Variants in CYP4A22 observed in about 807,000 individuals in gnomAD.
CYP4A22 encodes the protein cytochrome P450 4A22.
In CYP4A22, 46 loss-of-function variants were observed where a neutral mutation model predicts 56.2. That is an observed-to-expected ratio of 0.82 (90% CI 0.65 to 1.05). CYP4A22 has a LOEUF of 1.05. Ranked by LOEUF, CYP4A22 falls within the 50% of genes least tolerant of loss-of-function variation. CYP4A22 has a pLI of 0.00. For synonymous variants in CYP4A22, 193 were observed against 251.1 expected, an observed-to-expected ratio of 0.77 and a Z score of 2.19; for missense variants, 541 against 645.9, an observed-to-expected ratio of 0.84 and a Z score of 1.76.
In CYP4A22 at chr1:47,140,839, C is replaced by T. The variant is rs1323994019; in HGVS notation, c.255C>T (p.Ala85=). 1.2e-6 allele frequency: 2 copies of T among 1,614,066 alleles called. No individual in the cohort carries two copies. The highest frequency in any genetic ancestry group is 4.5e-5 in the East Asian group (2 of 44,898). ...AACGGGTGAAGACATTCCCAAGTGC[C>T]TGTCCTTATTGGATATGGGGAGGCA... The part of the protein sequence containing the change: ...IQERVKTFPS[A]CPYWIWGGKV... Residue 85 remains alanine, a synonymous_variant, in exon 2 of 12, where the codon GCC becomes GCT. Coordinates refer to ENST00000371891, the MANE Select transcript of CYP4A22 (RefSeq NM_001010969.4).
intron 10 of CYP4A22, 66 bp from the exon 11 acceptor site, chr1:47,146,011 T>C (rs1645071926): frequency 6.2e-7 from 1 of 1,613,996 alleles, no homozygotes; most frequent in African/African-American, 1.3e-5. Context: ...GGGAGTACTG[T>C]ACCCTCATGG....
intron 9 of CYP4A22, among the ~76,000 whole-genome samples, 168 bp downstream of exon 9, chr1:47,145,138 G>T (rs1312063864): frequency 6.6e-6 from 1 of 152,240 alleles, no homozygotes; most frequent in East Asian, 1.9e-4. Context: ...CTGGCCGAGA[G>T]CTTGAACCCA....
intron 1 of CYP4A22, among the ~76,000 whole-genome samples, chr1:47,140,055 G>T (rs572423452): frequency 6.6e-6 from 1 of 152,292 alleles, no homozygotes; most frequent in Non-Finnish European, 1.5e-5. Context: ...GAAAAGAGAA[G>T]TTGAAGCCAG....
At position 47,142,294 on chromosome 1, in the gene CYP4A22, T is replaced by C. The variant is rs371786514; in HGVS notation, c.510+59T>C. The C allele has an allele frequency of 7.6e-3, 11,557 of 1,530,428 alleles. 141 individuals are homozygous for C. The highest frequency in any genetic ancestry group is 0.039 in the South Asian group (2,969 of 77,050). The allele number at this position is 1,530,428 out of a possible 1,614,324, so 94.8% of individuals were successfully genotyped here. The stretch of plus-strand genomic sequence containing the variant: ...ACTCACAGCACACACTCTCACCAAC[T>C]CCACTCTCAACCCTGTGTCCCACAG... On this transcript the variant is annotated intron_variant, in intron 4 of 11. Transcript: ENST00000371891.
chr1:47,137,777 C>T (rs1338037013), intron 1 of CYP4A22, 97 bp downstream of exon 1: 3 of 1,473,058 alleles, frequency 2.0e-6, no homozygotes, highest in Non-Finnish European at 2.7e-6. Flanking sequence ...TGTTTTGTAA[C>T]AAACGTGAGG....
intron 11 of CYP4A22, chr1:47,147,491 G>C (rs1230631787): frequency 1.1e-6 from 1 of 922,102 alleles, no homozygotes; most frequent in Non-Finnish European, 1.3e-6. Flanking sequence ...AATATATCCT[G>C]TGCTCCAGAC....
rs199782847 is a variant in CYP4A22, at chr1:47,146,092, C to T, written c.1303C>T (p.Arg435Cys). 1.9e-5 allele frequency: 30 copies of T among 1,614,042 alleles called. 1 individual carries two copies. In the East Asian group the frequency reaches 4.2e-4, roughly 23 times the overall value. The change falls in exon 11 of 12, where the codon CGT becomes TGT. Residue 435 changes from arginine (R) to cysteine (C), a missense_variant. Physicochemically the swap from Arg to Cys is radical, Grantham distance 180 (BLOSUM62 -3). Transcript: ENST00000371891. ...CTCTCTGCAGGTGTTTGACCCTTCC[C>T]GTTTTGCACCGGGTTCTGCTCAACA... ...WPNLEVFDPS[R>C]FAPGSAQHSH...
At chr1:47,139,553 A>T (rs973773591) in intron 1 of CYP4A22, among the ~76,000 whole-genome samples, 5 of 152,166 alleles carry the variant, frequency 3.3e-5, no homozygotes, top group African/African-American at 1.2e-4. Context: ...CTAGACTGAA[A>T]ATTCCACACA....
At chr1:47,142,339 C>T in intron 4 of CYP4A22, 104 bp downstream of exon 4, 2 of 1,474,000 alleles carry the variant, frequency 1.4e-6, no homozygotes, top group South Asian at 1.5e-5. Context: ...GACATAGACA[C>T]ATGGAACAAC....
Position 47,145,906 on chromosome 1 carries a change from C to A in CYP4A22, c.1263C>A (p.Asn421Lys), listed in dbSNP as rs1289669941. ...TCTCCATTTATGGCCTTCACCACAA[C>A]CCAAAAGTGTGGCCCAACCTAGAGG... ...VLLSIYGLHHNPKVWPNLEVF... is the reference protein window; with the variant it reads ...VLLSIYGLHHKPKVWPNLEVF... The change falls in exon 10 of 12, where the codon AAC (asparagine) becomes AAA (lysine). Residue 421 changes from asparagine (N) to lysine (K), a missense_variant. Physicochemically the swap from Asn to Lys is moderately conservative, Grantham distance 94 (BLOSUM62 0). Transcript: ENST00000371891. 1.4e-5 allele frequency: 22 copies of A among 1,614,052 alleles called. No individual in the cohort carries two copies. Among genetic ancestry groups the A allele is most frequent in the Non-Finnish European group, 1.9e-5 (22 of 1,180,034 alleles).
intron 2 of CYP4A22, among the ~76,000 whole-genome samples, chr1:47,141,166 G>A (rs4926574): frequency 0.23 from 34,802 of 152,072 alleles, 4,431 homozygotes; most frequent in East Asian, 0.54. Context: ...GAAAATTGAG[G>A]TTTTCTGAAA....
chr1:47,143,519 C>T, intron 5 of CYP4A22, 126 bp downstream of exon 5: 6 of 1,499,756 alleles, frequency 4.0e-6, no homozygotes, highest in Non-Finnish European at 3.6e-6. Flanking sequence ...CCTGACCAAA[C>T]TCTAATTCCT....
At chr1:47,141,051 A>G (rs1645003625) in intron 2 of CYP4A22, 130 bp downstream of exon 2, 1 of 1,399,168 alleles carries the variant, frequency 7.1e-7, no homozygotes, top group Non-Finnish European at 9.6e-7. Context: ...GCATCCACCA[A>G]GCCCACCATG....
chr1:47,144,379 G>A lies in CYP4A22; in HGVS notation c.813G>A (p.Lys271=), dbSNP rs1645049753. ...CAGACCAAGTGATCCAACTGAGGAA[G>A]GCTCAACTACAGAAGGAGGGGGAGC... is the stretch of plus-strand genomic sequence containing the variant. The part of the protein sequence containing the change: ...QHTDQVIQLR[K]AQLQKEGELE... Residue 271 remains lysine, a synonymous_variant, in exon 7 of 12, where the codon AAG becomes AAA. Transcript: ENST00000371891. The A allele has an allele frequency of 5.0e-6, 8 of 1,613,966 alleles. No homozygotes were observed. The highest frequency in any genetic ancestry group is 6.8e-6 in the Non-Finnish European group (8 of 1,179,844).
rs926412144 is a variant in CYP4A22, at chr1:47,144,914, T to C, written c.1166T>C (p.Ile389Thr). ...ALRLYPPVPG[I>T]GRELSTPVTF... Reference sequence around the variant, plus strand: ...AGGCTCTACCCACCGGTGCCAGGCATTGGAAGAGAGCTCAGCACTCCCGTC... The same window carrying C: ...AGGCTCTACCCACCGGTGCCAGGCACTGGAAGAGAGCTCAGCACTCCCGTC... The change falls in exon 9 of 12, where the codon ATT becomes ACT. Residue 389 changes from isoleucine to threonine, a missense_variant. Around this residue, in one of 3 missense-constraint regions of CYP4A22, gnomAD observed 204 missense variants for 258.9 expected, o/e 0.79. Transcript: ENST00000371891. 2.5e-6 allele frequency: 4 copies of C among 1,613,996 alleles called. No individual in the cohort carries two copies. The highest frequency in any genetic ancestry group is 1.3e-5 in the African/African-American group (1 of 74,900).
In CYP4A22 at chr1:47,137,633, C is replaced by T. The variant is rs1245883076; in HGVS notation, c.148C>T (p.Gln50Ter). 2 of 1,614,028 alleles carry T rather than the reference C, an allele frequency of 1.2e-6. No homozygotes were observed. Among genetic ancestry groups the T allele is most frequent in the African/African-American group, 2.7e-5 (2 of 75,066 alleles). Residue 50 changes from glutamine (Q) to a stop codon, truncating the protein, a stop_gained, in exon 1 of 12, where the codon CAG becomes TAG. Transcript: ENST00000371891. LOFTEE classifies it high-confidence loss of function. ...HRQWLLKALQ[Q>*]FPCPPSHWLF... is the part of the protein sequence containing the mutation. ...GCAGTGGCTGCTCAAAGCCCTCCAG[C>T]AGTTCCCGTGCCCTCCCTCCCACTG...
chr1:47,142,502 C>T (rs1459065352), intron 4 of CYP4A22, among the ~76,000 whole-genome samples: 1 of 152,214 alleles, frequency 6.6e-6, no homozygotes, highest in Non-Finnish European at 1.5e-5. Flanking sequence ...CACTTTGGAA[C>T]CTCAGCACAA....
intron 11 of CYP4A22, among the ~76,000 whole-genome samples, chr1:47,147,638 G>A (rs1569818121): frequency 6.6e-6 from 1 of 152,200 alleles, no homozygotes; most frequent in East Asian, 1.9e-4. Flanking sequence ...TGGGGGCCTG[G>A]GAGGAAGAGG....
chr1:47,141,683 A>C, intron 3 of CYP4A22, 68 bp downstream of exon 3: 1 of 1,577,182 alleles, frequency 6.3e-7, no homozygotes, highest in Non-Finnish European at 8.7e-7. Context: ...TGGCTCACAG[A>C]GAACAACAGA....
Sources: allele counts gnomAD v4.1 joint callset (sites outside exome capture counted in the v4.1 genomes callset), GRCh38; gene constraint gnomAD v4.1.1; regional missense constraint gnomAD v4.1.1; transcripts MANE v1.5; gene names NCBI Gene and HGNC (gene_info 2026-07-23, HGNC 2026-07-21).